The following DHX15 variants were observed in gnomAD, a reference collection of about 807,000 sequenced individuals.
The protein encoded by DHX15 is DEAH-box helicase 15.
DHX15 carries 11 observed loss-of-function variants against 94.4 expected under a neutral mutation model. The ratio of observed to expected loss-of-function variants is 0.12; its 90% CI spans 0.07 to 0.19. DHX15 has a LOEUF of 0.19. Among genes scored for constraint, DHX15 ranks in the 10% least tolerant of loss-of-function variants. The probability of loss-of-function intolerance (pLI) is 1.00; values close to 1 mark genes in which losing one functional copy is unlikely to be tolerated. For synonymous variants in DHX15, 338 were observed against 329.9 expected (o/e 1.02, Z -0.27); for missense variants, 304 against 988.5 (o/e 0.31, Z 9.29).
chr4:24,539,300 G>T (rs540943770), intron 10 of DHX15: 3 of 152,030 alleles, frequency 2.0e-5, no homozygotes, highest in Non-Finnish European at 4.4e-5. Flanking sequence ...TCTCTCCCGT[G>T]CTAAAACTAG....
At chr4:24,558,878 A>AT (rs1227360430) in intron 3 of DHX15, among the ~76,000 whole-genome samples, 1 of 152,140 alleles carries the variant, frequency 6.6e-6, no homozygotes, top group Non-Finnish European at 1.5e-5. Context: ...CACTGTACTG[A>AT]TTCCCAGTCC....
chr4:24,570,020 AATC>A (rs1188724751), intron 3 of DHX15, among the ~76,000 whole-genome samples: 1 of 152,266 alleles, frequency 6.6e-6, no homozygotes, highest in African/African-American at 2.4e-5. Context: ...CTTGAGAAAG[AATC>A]ATCATCAGGT....
At chr4:24,578,469 C>T (rs370224178) in intron 1 of DHX15, among the ~76,000 whole-genome samples, 69 of 152,290 alleles carry the variant, frequency 4.5e-4, no homozygotes, top group African/African-American at 1.5e-3. Context: ...GAAAAGAACT[C>T]TTAAAGAACA....
At chr4:24,553,478 A>G (rs1271532193) in intron 5 of DHX15, among the ~76,000 whole-genome samples, 1 of 152,142 alleles carries the variant, frequency 6.6e-6, no homozygotes, top group Non-Finnish European at 1.5e-5. Flanking sequence ...TATGCCATCA[A>G]AAAAGCATTT....
At chr4:24,562,567 G>C (rs1721903788) in intron 3 of DHX15, among the ~76,000 whole-genome samples, 1 of 152,138 alleles carries the variant, frequency 6.6e-6, no homozygotes, top group East Asian at 1.9e-4. Context: ...AAAGTCCTCA[G>C]TACACTAACT....
intron 3 of DHX15, among the ~76,000 whole-genome samples, chr4:24,565,848 C>G (rs1360808769): frequency 2.0e-5 from 3 of 152,088 alleles, no homozygotes; most frequent in East Asian, 3.9e-4. Context: ...GACAACTATA[C>G]CTGATCTCAG....
At chr4:24,540,451 AAAC>A (rs1182116263) in intron 9 of DHX15, 152 bp from the exon 10 acceptor site, 6 of 648,298 alleles carry the variant, frequency 9.3e-6, no homozygotes, top group Non-Finnish European at 1.5e-5. Context: ...CAGATCTAGC[AAAC>A]AATGAATCAT....
chr4:24,527,908 G>T lies in DHX15; in HGVS notation c.*16C>A. On this transcript the variant is annotated 3_prime_UTR_variant, in exon 14 of 14. Coordinates refer to ENST00000336812, the MANE Select transcript of DHX15 (RefSeq NM_001358.3). Reference sequence around the variant, plus strand: ...TAAAGCTGTCCTCTCAATAACTTCAGTTCTAAGCACTGAATTCAGTACTGT... The same window carrying T: ...TAAAGCTGTCCTCTCAATAACTTCATTTCTAAGCACTGAATTCAGTACTGT... 6.4e-7 allele frequency: 1 copy of T among 1,572,984 alleles called. No individual in the cohort carries two copies. Among genetic ancestry groups the T allele is most frequent in the Non-Finnish European group, 8.8e-7 (1 of 1,142,740 alleles).
At position 24,541,975 on chromosome 4, in the gene DHX15, A is replaced by G. The variant is rs1721322105; in HGVS notation, c.1383T>C (p.Ile461=). The G allele has an allele frequency of 6.2e-7, 1 of 1,612,484 alleles. No individual in the cohort carries two copies. Among genetic ancestry groups the G allele is most frequent in the Non-Finnish European group, 8.5e-7 (1 of 1,178,870 alleles). ...CCCTTTGCTGAGCTGAAGCTTTACT[A>G]ATAGCTGTCACCAAAAGGGACTCAA... The part of the protein sequence containing the change: ...IRVESLLVTA[I]SKASAQQRAG... The change falls in exon 8 of 14, where the codon ATT becomes ATC. Residue 461 remains isoleucine, a synonymous_variant. Coordinates refer to ENST00000336812, the MANE Select transcript of DHX15 (RefSeq NM_001358.3).
chr4:24,576,721 G>C, intron 1 of DHX15, 43 bp from the exon 2 acceptor site: 1 of 1,597,348 alleles, frequency 6.3e-7, no homozygotes. Flanking sequence ...ATTTTATGCA[G>C]AATGTTCACG....
chr4:24,564,368 G>A (rs978302102), intron 3 of DHX15, among the ~76,000 whole-genome samples: 3 of 152,188 alleles, frequency 2.0e-5, no homozygotes, highest in African/African-American at 7.2e-5. Flanking sequence ...TATTACGTGT[G>A]CTGTCAATTA....
At chr4:24,583,549 T>C (rs986951455) in intron 1 of DHX15, among the ~76,000 whole-genome samples, 4 of 151,374 alleles carry the variant, frequency 2.6e-5, no homozygotes, top group African/African-American at 4.9e-5. Flanking sequence ...AAGCAGGAAA[T>C]ACAGGAGATG....
In DHX15 at chr4:24,559,704, G is replaced by C. The variant is rs1449381980; in HGVS notation, c.702-3294C>G. Among the ~76,000 whole-genome samples the C allele has an allele frequency of 2.0e-5, 3 of 152,236 alleles. No individual in the cohort carries two copies. In the East Asian group the frequency reaches 5.8e-4, roughly 29 times the overall value. On this transcript the variant is annotated intron_variant, in intron 3 of 13. Coordinates refer to ENST00000336812, the MANE Select transcript of DHX15 (RefSeq NM_001358.3). ...TACTGGGTGCCTTACTATCTACAGT[G>C]TTTTCCAACTGTTTTAGGGCAGAGA...
chr4:24,574,807 A>G (rs1035839970), intron 2 of DHX15, among the ~76,000 whole-genome samples: 2 of 152,164 alleles, frequency 1.3e-5, no homozygotes, highest in African/African-American at 4.8e-5. Flanking sequence ...CCCAAATATC[A>G]ATTAAATAGT....
At chr4:24,578,370 C>A (rs1406905523) in intron 1 of DHX15, among the ~76,000 whole-genome samples, 2 of 152,066 alleles carry the variant, frequency 1.3e-5, no homozygotes, top group Non-Finnish European at 2.9e-5. Context: ...AATAAGAGTA[C>A]ACAGAAATGT....
chr4:24,553,908 T>C (rs1169509598), intron 5 of DHX15, among the ~76,000 whole-genome samples: 1 of 151,566 alleles, frequency 6.6e-6, no homozygotes, highest in African/African-American at 2.4e-5. Flanking sequence ...AAACACCCTA[T>C]TGAAAAGAAG....
At chr4:24,575,667 C>T (rs1057071941) in intron 2 of DHX15, among the ~76,000 whole-genome samples, 1 of 152,172 alleles carries the variant, frequency 6.6e-6, no homozygotes, top group Non-Finnish European at 1.5e-5. Context: ...TACAGAAACA[C>T]TTGACCCATG....
intron 11 of DHX15, chr4:24,533,572 G>T: frequency 1.9e-5 from 3 of 156,390 alleles, no homozygotes; most frequent in Admixed American, 6.2e-5. Context: ...ACAGAAGAAA[G>T]TTTACAAGGA....
At chr4:24,534,059 A>T (rs1721144602) in intron 11 of DHX15, 1 of 152,342 alleles carries the variant, frequency 6.6e-6, no homozygotes, top group Middle Eastern at 3.4e-3. Flanking sequence ...CCATTTCAGA[A>T]ATTAAGGATG....
Sources: allele counts gnomAD v4.1 joint callset (sites outside exome capture counted in the v4.1 genomes callset), GRCh38; gene constraint gnomAD v4.1.1; transcripts MANE v1.5; gene names NCBI Gene and HGNC (gene_info 2026-07-23, HGNC 2026-07-21).